The following TLN2 variants were observed in gnomAD, a reference collection of about 807,000 sequenced individuals.
TLN2 encodes the protein talin-2.
In TLN2, 118 loss-of-function variants were observed where a neutral mutation model predicts 294.7. That is an observed-to-expected ratio of 0.40 (90% CI 0.34 to 0.47). The LOEUF is 0.47. Among genes scored for constraint, TLN2 ranks in the 20% least tolerant of loss-of-function variants. The pLI is 0.84. For synonymous variants in TLN2, 1,431 were observed against 1,304.5 expected (o/e 1.10, Z -2.09); for missense variants, 3,083 against 3,282.2 (o/e 0.94, Z 1.48).
At position 62,523,004 on chromosome 15, in the gene TLN2, C is replaced by A. The variant is rs368399616; in HGVS notation, c.-237-66683C>A. Among the ~76,000 whole-genome samples, 15 of 151,678 alleles carry A rather than the reference C, an allele frequency of 9.9e-5. No individual in the cohort carries two copies. In the East Asian group the frequency reaches 2.9e-3, roughly 29 times the overall value. On this transcript the variant is annotated intron_variant, in intron 1 of 58. Coordinates refer to ENST00000636159, the MANE Select transcript of TLN2 (RefSeq NM_015059.3). Reference sequence around the variant, plus strand: ...CTCTCTCACTCACACTCATTCACTTCCCTCTTCCCACCCCCGACAATTCTA... The same window carrying A: ...CTCTCTCACTCACACTCATTCACTTACCTCTTCCCACCCCCGACAATTCTA...
At chr15:62,605,404 T>C (rs2047349016) in intron 2 of TLN2, among the ~76,000 whole-genome samples, 1 of 152,204 alleles carries the variant, frequency 6.6e-6, no homozygotes, top group South Asian at 2.1e-4. Context: ...ACATTTCCTG[T>C]ATTGGACACA....
At chr15:62,688,808 C>A (rs79342949) in intron 12 of TLN2, among the ~76,000 whole-genome samples, 1,556 of 152,214 alleles carry the variant, frequency 0.01, 33 homozygotes, top group African/African-American at 0.035. Context: ...CTAATGTTGA[C>A]ATAGCCACCA....
intron 52 of TLN2, among the ~76,000 whole-genome samples, chr15:62,811,887 C>G (rs1319043228): frequency 6.6e-6 from 1 of 151,962 alleles, no homozygotes; most frequent in Admixed American, 6.6e-5. Flanking sequence ...TGGTGGGTGC[C>G]TGTAATCCTA....
intron 1 of TLN2, among the ~76,000 whole-genome samples, chr15:62,501,171 C>A (rs1595950623): frequency 6.6e-6 from 1 of 152,174 alleles, no homozygotes; most frequent in Non-Finnish European, 1.5e-5. Flanking sequence ...GGTAAGCCTC[C>A]CTCTGTTCAT....
At chr15:62,564,905 CAAAA>C (rs60087745) in intron 1 of TLN2, among the ~76,000 whole-genome samples, 8,934 of 112,612 alleles carry the variant, frequency 0.079, 414 homozygotes, top group Middle Eastern at 0.094. Context: ...AACTCCATCT[CAAAA>C]AAAAAAAAAA....
chr15:62,463,995 A>G (rs1443431392), intron 1 of TLN2, among the ~76,000 whole-genome samples: 2 of 152,264 alleles, frequency 1.3e-5, no homozygotes, highest in Admixed American at 1.3e-4. Context: ...AATTAGTTCA[A>G]CCATTGTGGA....
chr15:62,823,609 C>G (rs1318943435), intron 54 of TLN2, among the ~76,000 whole-genome samples: 1 of 152,176 alleles, frequency 6.6e-6, no homozygotes, highest in East Asian at 1.9e-4. Flanking sequence ...AAATGCTCTG[C>G]TCACCACCGT....
chr15:62,839,467 A>G (rs552214274), intron 58 of TLN2, among the ~76,000 whole-genome samples: 18 of 152,370 alleles, frequency 1.2e-4, no homozygotes, highest in African/African-American at 3.4e-4. Flanking sequence ...ATTTGGAGGT[A>G]CTGCCCACTG....
At chr15:62,619,542 T>A (rs931845185) in intron 3 of TLN2, among the ~76,000 whole-genome samples, 1 of 152,248 alleles carries the variant, frequency 6.6e-6, no homozygotes, top group Non-Finnish European at 1.5e-5. Flanking sequence ...AAATTGTGTC[T>A]ATCTAAAACC....
chr15:62,461,624 C>T (rs1486702405), intron 1 of TLN2, among the ~76,000 whole-genome samples: 1 of 152,164 alleles, frequency 6.6e-6, no homozygotes, highest in African/African-American at 2.4e-5. Flanking sequence ...GGCTCAGGCC[C>T]TAGGGGTGAG....
intron 1 of TLN2, among the ~76,000 whole-genome samples, chr15:62,397,653 C>A (rs1387892333): frequency 6.6e-6 from 1 of 152,190 alleles, no homozygotes; most frequent in African/African-American, 2.4e-5. Flanking sequence ...GGCTGTGCTG[C>A]ACAATCTGAA....
intron 19 of TLN2, among the ~76,000 whole-genome samples, chr15:62,703,896 G>T (rs572614055): frequency 6.6e-6 from 1 of 152,182 alleles, no homozygotes; most frequent in Non-Finnish European, 1.5e-5. Context: ...AGGGTGGGGC[G>T]CAGAGGCCTG....
chr15:62,438,666 A>G (rs1460825897), intron 1 of TLN2, among the ~76,000 whole-genome samples: 2 of 152,216 alleles, frequency 1.3e-5, no homozygotes, highest in Non-Finnish European at 2.9e-5. Context: ...AAGGATGAGC[A>G]CAAGGCTACT....
intron 1 of TLN2, among the ~76,000 whole-genome samples, chr15:62,522,709 C>T (rs1409905499): frequency 2.0e-5 from 3 of 151,942 alleles, no homozygotes; most frequent in African/African-American, 2.4e-5. Flanking sequence ...GTTTATTCTG[C>T]CTTTTCTTGT....
chr15:62,406,057 C>G (rs1216225854), intron 1 of TLN2, among the ~76,000 whole-genome samples: 1 of 152,102 alleles, frequency 6.6e-6, no homozygotes, highest in Non-Finnish European at 1.5e-5. Flanking sequence ...GTATGCCTAA[C>G]CATAGGGACA....
rs1007146899 is a variant in TLN2 at position 62,843,198 on chromosome 15, C to T, written c.*2588C>T. On this transcript the variant is annotated 3_prime_UTR_variant, in exon 59 of 59. Transcript: ENST00000636159. ...AGAGCCGGTGTGTTGACATGTGGTT[C>T]TTCTCACACCCCTCTACTCCTCGAG... 1 of 152,176 alleles carries T rather than the reference C, an allele frequency of 6.6e-6. No homozygotes were observed. The highest frequency in any genetic ancestry group is 2.4e-5 in the African/African-American group (1 of 41,442). 9.4% of individuals were successfully genotyped at this position (152,176 alleles called of 1,614,324 possible). A position where few individuals can be genotyped will look rare whatever the true frequency, so the allele number is the denominator to read the frequency against.
intron 1 of TLN2, among the ~76,000 whole-genome samples, chr15:62,465,724 T>C (rs570069486): frequency 2.4e-4 from 37 of 152,354 alleles, no homozygotes; most frequent in Non-Finnish European, 4.1e-4. Flanking sequence ...TGCAAAGTAT[T>C]ATGAAAATGG....
At chr15:62,798,106 G>A (rs1426068714) in intron 48 of TLN2, among the ~76,000 whole-genome samples, 1 of 152,162 alleles carries the variant, frequency 6.6e-6, no homozygotes, top group Admixed American at 6.5e-5. Context: ...GCCTGTTCCG[G>A]TAACCATCGA....
intron 54 of TLN2, chr15:62,823,972 G>A (rs1350000299): frequency 1.9e-6 from 1 of 529,802 alleles, no homozygotes; most frequent in South Asian, 1.4e-5. Flanking sequence ...GCCTCTGTGT[G>A]ATATGTTTGA....
Sources: allele counts gnomAD v4.1 joint callset (sites outside exome capture counted in the v4.1 genomes callset), GRCh38; gene constraint gnomAD v4.1.1; transcripts MANE v1.5; gene names NCBI Gene and HGNC (gene_info 2026-07-23, HGNC 2026-07-21).